The following PLA2G4E variants were observed in gnomAD, a reference collection of about 807,000 sequenced individuals.
PLA2G4E encodes phospholipase A2 group IVE.
A neutral mutation model predicts 109.1 loss-of-function variants in PLA2G4E; 84 were observed. The ratio of observed to expected loss-of-function variants is 0.77; its 90% CI spans 0.65 to 0.92. The LOEUF is 0.92. Ranked by LOEUF, PLA2G4E falls within the 40% of genes least tolerant of loss-of-function variation. The pLI is 0.00. For synonymous variants in PLA2G4E, 469 were observed against 436.1 expected (o/e 1.08, Z -0.94); for missense variants, 1,057 against 1,076.6 (o/e 0.98, Z 0.25).
At chr15:42,034,160 C>T (rs959713815) in intron 1 of PLA2G4E, among the ~76,000 whole-genome samples, 1 of 152,196 alleles carries the variant, frequency 6.6e-6, no homozygotes, top group African/African-American at 2.4e-5. Flanking sequence ...TTTCCTGGGA[C>T]TCAAGACTTT....
intron 1 of PLA2G4E, among the ~76,000 whole-genome samples, chr15:42,014,307 G>C (rs1439825219): frequency 6.6e-6 from 1 of 152,164 alleles, no homozygotes; most frequent in Non-Finnish European, 1.5e-5. Flanking sequence ...TGTACCTCCA[G>C]TACCTATAGC....
chr15:42,049,980 G>A (rs1037775115), intron 1 of PLA2G4E, among the ~76,000 whole-genome samples: 4 of 152,214 alleles, frequency 2.6e-5, no homozygotes, highest in African/African-American at 9.7e-5. Context: ...CATAGGTGGG[G>A]TTTGCGAGGT....
At chr15:42,033,168 G>T (rs569266331) in intron 1 of PLA2G4E, among the ~76,000 whole-genome samples, 1 of 152,276 alleles carries the variant, frequency 6.6e-6, no homozygotes, top group Admixed American at 6.5e-5. Flanking sequence ...GGAGGAAGAA[G>T]GCTCCTGAGC....
At chr15:42,030,170 A>T (rs572945371) in intron 1 of PLA2G4E, among the ~76,000 whole-genome samples, 7 of 152,288 alleles carry the variant, frequency 4.6e-5, no homozygotes, top group Non-Finnish European at 8.8e-5. Flanking sequence ...AGGTTCATGG[A>T]TATGGAGTGA....
chr15:42,026,040 T>G (rs2068690626), intron 1 of PLA2G4E, among the ~76,000 whole-genome samples: 2 of 152,214 alleles, frequency 1.3e-5, no homozygotes, highest in South Asian at 4.1e-4. Flanking sequence ...TACACAGAAA[T>G]TTTAAACTTC....
At chr15:41,995,338 A>G in intron 12 of PLA2G4E, 22 bp downstream of exon 12, 1 of 1,606,826 alleles carries the variant, frequency 6.2e-7, no homozygotes, top group Non-Finnish European at 8.5e-7. Context: ...GGCTCCACAG[A>G]CAGTGGCTCA....
intron 1 of PLA2G4E, among the ~76,000 whole-genome samples, chr15:42,034,170 T>C (rs1889167549): frequency 6.6e-6 from 1 of 152,222 alleles, no homozygotes; most frequent in Non-Finnish European, 1.5e-5. Context: ...CTCAAGACTT[T>C]TAGTGCTAAA....
At chr15:42,013,378 T>C (rs1595569228) in intron 2 of PLA2G4E, among the ~76,000 whole-genome samples, 1 of 149,888 alleles carries the variant, frequency 6.7e-6, no homozygotes, top group Non-Finnish European at 1.5e-5. Flanking sequence ...GAAGAGAGAG[T>C]GGGGAGGAGA....
intron 2 of PLA2G4E, among the ~76,000 whole-genome samples, chr15:42,008,364 T>G (rs762332488): frequency 1.3e-5 from 2 of 152,196 alleles, no homozygotes; most frequent in Non-Finnish European, 2.9e-5. Context: ...GGGCAAGGAC[T>G]TGAGTGAAAC....
At chr15:42,012,145 G>A (rs1302608510) in intron 2 of PLA2G4E, among the ~76,000 whole-genome samples, 1 of 152,164 alleles carries the variant, frequency 6.6e-6, no homozygotes, top group Non-Finnish European at 1.5e-5. Flanking sequence ...GGGGCTCAGG[G>A]CCCTCCCACA....
At chr15:41,988,745 A>G (rs1447687510) in intron 15 of PLA2G4E, among the ~76,000 whole-genome samples, 2 of 152,208 alleles carry the variant, frequency 1.3e-5, no homozygotes, top group South Asian at 2.1e-4. Flanking sequence ...TCTAAACCAC[A>G]TGCTCATCAG....
At chr15:41,984,113 C>A in intron 19 of PLA2G4E, 139 bp from the exon 20 acceptor site, 1 of 788,570 alleles carries the variant, frequency 1.3e-6, no homozygotes. Flanking sequence ...CACGCACACC[C>A]TCACACACGC....
chr15:42,016,675 T>A (rs1394589034), intron 1 of PLA2G4E, among the ~76,000 whole-genome samples: 1 of 152,156 alleles, frequency 6.6e-6, no homozygotes, highest in Non-Finnish European at 1.5e-5. Flanking sequence ...GAATGCTGAT[T>A]CTGGGAAGGT....
intron 1 of PLA2G4E, among the ~76,000 whole-genome samples, chr15:42,031,146 T>G (rs561841978): frequency 6.6e-6 from 1 of 151,936 alleles, no homozygotes; most frequent in Non-Finnish European, 1.5e-5. Context: ...TAAAAAAAAA[T>G]TTGGTAGAGT....
chr15:41,995,114 G>A (rs2068316313), intron 12 of PLA2G4E, among the ~76,000 whole-genome samples: 1 of 152,246 alleles, frequency 6.6e-6, no homozygotes, highest in Non-Finnish European at 1.5e-5. Context: ...CTTAGTAGCG[G>A]GAGAGCGTCT....
chr15:42,023,816 A>C (rs147019066), intron 1 of PLA2G4E, among the ~76,000 whole-genome samples: 2 of 152,106 alleles, frequency 1.3e-5, no homozygotes, highest in Admixed American at 6.5e-5. Context: ...CTGTCTATCA[A>C]CTCCTCAGAG....
chr15:42,043,960 G>A (rs1031863712), intron 1 of PLA2G4E, among the ~76,000 whole-genome samples: 1 of 152,104 alleles, frequency 6.6e-6, no homozygotes, highest in African/African-American at 2.4e-5. Flanking sequence ...AAATAAATTG[G>A]AAAGAACTAA....
Position 41,992,740 on chromosome 15 carries a change from G to A in PLA2G4E, c.1467C>T (p.Asp489=), listed in dbSNP as rs773871856. 1.9e-5 allele frequency: 31 copies of A among 1,610,704 alleles called. 1 individual carries two copies. Among genetic ancestry groups the A allele is most frequent in the South Asian group, 1.8e-4 (16 of 90,996 alleles). Residue 489 remains aspartate (D), a synonymous_variant, in exon 13 of 20, where the codon GAC becomes GAT. Transcript: ENST00000399518. ...CCAGGAGAAGCCGAGCACCTACCTC[G>A]TCCCCCAGGCAGGTCTCTATCAGCA...
At position 42,007,610 on chromosome 15, in the gene PLA2G4E, G is replaced by A; in HGVS notation, c.393+119C>T. The A allele has an allele frequency of 3.9e-6, 5 of 1,281,988 alleles. No individual in the cohort carries two copies. The South Asian group carries it at 4.3e-5, about 11-fold the overall frequency. The allele number at this position is 1,281,988 out of a possible 1,614,324, so 79.4% of individuals were successfully genotyped here. A position where few individuals can be genotyped will look rare whatever the true frequency, so the allele number is the denominator to read the frequency against. On this transcript the variant is annotated intron_variant, in intron 3 of 19. Transcript: ENST00000399518. ...GTGGGAAGACAGGTTTGTAGGACAA[G>A]AAGTAGGCAGAAAGGAAAACAAAGA...
Sources: gnomAD v4.1 joint callset for allele counts (sites outside exome capture counted in the v4.1 genomes callset) on GRCh38, gnomAD v4.1.1 for gene constraint, MANE v1.5 for transcripts, NCBI Gene and HGNC (gene_info 2026-07-23, HGNC 2026-07-21) for gene names.